ROBO2: variants seen among roughly 807,000 people sequenced by gnomAD.
The protein encoded by ROBO2 is roundabout guidance receptor 2.
ROBO2 carries 53 observed loss-of-function variants against 160.8 expected under a neutral mutation model. That is an observed-to-expected ratio of 0.33 (90% CI 0.26 to 0.41). ROBO2 has a LOEUF of 0.41. ROBO2 is among the 10% of genes least tolerant of loss of function. The pLI, the probability that ROBO2 is intolerant of heterozygous loss-of-function variation, is 1.00. For missense variants in ROBO2, 1,577 were observed against 1,722.4 expected (o/e 0.92, Z 1.49); for synonymous variants, 664 against 611.7 (o/e 1.09, Z -1.26).
At chr3:77,621,243 T>C (rs762786166) in intron 22 of ROBO2, among the ~76,000 whole-genome samples, 8 of 152,044 alleles carry the variant, frequency 5.3e-5, no homozygotes, top group African/African-American at 1.4e-4. Context: ...CTAGACAACA[T>C]AGTGAGAATC....
At chr3:76,635,169 T>C (rs2090260788) in intron 2 of ROBO2, among the ~76,000 whole-genome samples, 1 of 152,200 alleles carries the variant, frequency 6.6e-6, no homozygotes, top group Non-Finnish European at 1.5e-5. Context: ...CCGTATGACT[T>C]AGACTAAGTC....
intron 2 of ROBO2, among the ~76,000 whole-genome samples, chr3:76,759,944 T>G (rs562691479): frequency 6.6e-6 from 1 of 151,882 alleles, no homozygotes; most frequent in South Asian, 2.1e-4. Flanking sequence ...CATCCTAGTC[T>G]CAGAACTCTG....
At position 77,302,654 on chromosome 3, in the gene ROBO2, T is replaced by C. The variant is rs9877448; in HGVS notation, c.389-174760T>C. On this transcript the variant is annotated intron_variant, in intron 2 of 25. Coordinates refer to ENST00000461745, the Ensembl canonical transcript of ROBO2. Reference sequence around the variant, plus strand: ...TTTAACATGTTCCAGCTCACTCGATTATTATAAGAGGTTTTAAAGTCAACT... The same window carrying C: ...TTTAACATGTTCCAGCTCACTCGATCATTATAAGAGGTTTTAAAGTCAACT... 2.6e-3 allele frequency among the ~76,000 whole-genome samples: 393 copies of C among 152,336 alleles called. 1 individual carries two copies. The highest frequency in any genetic ancestry group is 9.0e-3 in the African/African-American group (375 of 41,588).
At chr3:76,467,147 A>G (rs2078406998) in intron 2 of ROBO2, among the ~76,000 whole-genome samples, 1 of 152,120 alleles carries the variant, frequency 6.6e-6, no homozygotes, top group Non-Finnish European at 1.5e-5. Context: ...TTAGATGTCT[A>G]AATCCTACCA....
intron 2 of ROBO2, among the ~76,000 whole-genome samples, chr3:76,502,719 TAAA>T (rs1481751479): frequency 1.3e-5 from 2 of 152,264 alleles, no homozygotes; most frequent in Middle Eastern, 3.4e-3. Flanking sequence ...TCCTTTGAGT[TAAA>T]ATGTGAAATC....
At chr3:77,642,820 A>T (rs1186721638) in intron 24 of ROBO2, 1 of 456,668 alleles carries the variant, frequency 2.2e-6, no homozygotes, top group East Asian at 7.0e-5. Flanking sequence ...AGACACAAAG[A>T]GCTCATTGGA....
chr3:77,477,671 T>C (rs1192313270), intron 3 of ROBO2, 100 bp downstream of exon 3: 9 of 1,219,164 alleles, frequency 7.4e-6, no homozygotes, highest in Non-Finnish European at 1.1e-5. Flanking sequence ...TACAATTGTA[T>C]TTGAATGTTA....
rs140262829 is a variant in ROBO2, at chr3:77,277,519, G to A, written c.388+179179G>A. Among the ~76,000 whole-genome samples the A allele has an allele frequency of 2.5e-3, 386 of 152,024 alleles. 1 individual carries two copies. Among genetic ancestry groups the A allele is most frequent in the African/African-American group, 8.9e-3 (369 of 41,456 alleles). On this transcript the variant is annotated intron_variant, in intron 2 of 25. Transcript: ENST00000461745. ...CACTATGTGTCCATGTGTTCTCATC[G>A]TTCATCTCTCACTTATAAGTGAGAA... is the stretch of plus-strand genomic sequence containing the variant.
At chr3:76,755,168 A>G (rs2060897685) in intron 2 of ROBO2, among the ~76,000 whole-genome samples, 1 of 151,920 alleles carries the variant, frequency 6.6e-6, no homozygotes, top group Non-Finnish European at 1.5e-5. Flanking sequence ...CCTATGTAAT[A>G]AATTCTAATA....
chr3:76,904,893 C>A (rs949800298), intron 2 of ROBO2, among the ~76,000 whole-genome samples: 1 of 152,116 alleles, frequency 6.6e-6, no homozygotes, highest in African/African-American at 2.4e-5. Flanking sequence ...GTAGAGGGAT[C>A]CTTTAATACT....
exon 12 of ROBO2, chr3:77,565,048 T>C: frequency 6.2e-7 from 1 of 1,613,746 alleles, no homozygotes; most frequent in Non-Finnish European, 8.5e-7. Flanking sequence ...AATCTACTTA[T>C]TCATGGTCAG....
intron 2 of ROBO2, among the ~76,000 whole-genome samples, chr3:76,446,068 G>A (rs1480693700): frequency 1.3e-5 from 2 of 151,976 alleles, no homozygotes; most frequent in Non-Finnish European, 2.9e-5. Context: ...AGAAATAAAT[G>A]GTATTCAATT....
intron 2 of ROBO2, among the ~76,000 whole-genome samples, chr3:77,410,935 C>T (rs2076749751): frequency 6.6e-6 from 1 of 151,868 alleles, no homozygotes; most frequent in Admixed American, 6.6e-5. Context: ...TCCCGAGTAG[C>T]TGGGACCATA....
At chr3:76,791,518 ACT>A (rs150578311) in intron 2 of ROBO2, among the ~76,000 whole-genome samples, 14 of 146,050 alleles carry the variant, frequency 9.6e-5, no homozygotes, top group Admixed American at 1.4e-4. Flanking sequence ...TGTTTCACAC[ACT>A]CTCTCTCTCT....
intron 21 of ROBO2, among the ~76,000 whole-genome samples, chr3:77,608,704 T>A (rs1217494745): frequency 6.6e-6 from 1 of 152,206 alleles, no homozygotes; most frequent in Non-Finnish European, 1.5e-5. Context: ...TCTAGTTTAA[T>A]AATTCTGAAT....
At chr3:76,132,206 T>A (rs1008163276) in intron 2 of ROBO2, among the ~76,000 whole-genome samples, 2 of 152,114 alleles carry the variant, frequency 1.3e-5, no homozygotes, top group East Asian at 3.9e-4. Context: ...AAAAGTTCTT[T>A]CCCATTGGAG....
intron 2 of ROBO2, among the ~76,000 whole-genome samples, chr3:76,376,820 G>A (rs191697948): frequency 1.3e-5 from 2 of 152,242 alleles, no homozygotes; most frequent in Admixed American, 1.3e-4. Context: ...GGTAAGCCAT[G>A]TTGAGGAGGA....
At chr3:76,167,962 C>T (rs1026810830) in intron 2 of ROBO2, among the ~76,000 whole-genome samples, 4 of 152,240 alleles carry the variant, frequency 2.6e-5, no homozygotes, top group South Asian at 2.1e-4. Flanking sequence ...CTCTTGGAAG[C>T]GCTGGTAGTG....
rs145620794 is a variant in ROBO2 at position 76,919,316 on chromosome 3, A to G, written c.110-178698A>G. On this transcript the variant is annotated intron_variant, in intron 2 of 26. Transcript: ENST00000487694. Reference sequence around the variant, plus strand: ...TAATTCTGATGATACAATTGCTCTGAAATTTTTAAGAATATTTATAGGCCA... The same window carrying G: ...TAATTCTGATGATACAATTGCTCTGGAATTTTTAAGAATATTTATAGGCCA... Among the ~76,000 whole-genome samples the G allele has an allele frequency of 4.9e-4, 75 of 152,308 alleles. 1 individual carries two copies. The highest frequency in any genetic ancestry group is 3.3e-3 in the Admixed American group (50 of 15,292).
Sources: gnomAD v4.1 joint callset for allele counts (sites outside exome capture counted in the v4.1 genomes callset) on GRCh38, gnomAD v4.1.1 for gene constraint, MANE v1.5 for transcripts, NCBI Gene and HGNC (gene_info 2026-07-23, HGNC 2026-07-21) for gene names.